FSD1L: variants seen among roughly 807,000 people sequenced by gnomAD.
FSD1L encodes FSD1-like protein.
FSD1L carries 45 observed loss-of-function variants against 71.6 expected under a neutral mutation model. That is an observed-to-expected ratio of 0.63 (90% CI 0.49 to 0.81). The LOEUF (loss-of-function observed/expected upper bound fraction) is 0.81. Among genes scored for constraint, FSD1L ranks in the 30% least tolerant of loss-of-function variants. The probability of loss-of-function intolerance (pLI) is 0.00; values close to 1 mark genes in which losing one functional copy is unlikely to be tolerated. For synonymous variants in FSD1L, 197 were observed against 207.2 expected, an observed-to-expected ratio of 0.95 and a Z score of 0.42; for missense variants, 561 against 618.1, an observed-to-expected ratio of 0.91 and a Z score of 0.98.
At chr9:105,518,395 G>T (rs545774008) in intron 10 of FSD1L, among the ~76,000 whole-genome samples, 8 of 152,158 alleles carry the variant, frequency 5.3e-5, no homozygotes, top group Admixed American at 2.6e-4. Flanking sequence ...TTCTAAAATT[G>T]ACCACATAAT....
chr9:105,525,536 A>G, intron 10 of FSD1L: 6 of 1,611,004 alleles, frequency 3.7e-6, no homozygotes, highest in South Asian at 1.1e-5. Flanking sequence ...TCAGCATTTT[A>G]TTATTGCAGA....
intron 3 of FSD1L, among the ~76,000 whole-genome samples, chr9:105,466,367 G>T (rs1831068542): frequency 6.6e-6 from 1 of 152,098 alleles, no homozygotes; most frequent in African/African-American, 2.4e-5. Flanking sequence ...ATTTTCCACA[G>T]AAATAGAAAA....
At chr9:105,541,679 G>A (rs1266987674) in intron 13 of FSD1L, among the ~76,000 whole-genome samples, 1 of 151,930 alleles carries the variant, frequency 6.6e-6, no homozygotes, top group Admixed American at 6.6e-5. Context: ...TTATAGTATG[G>A]TGCAGTTCTG....
chr9:105,515,178 C>G (rs1035624941), intron 10 of FSD1L, among the ~76,000 whole-genome samples: 2 of 152,196 alleles, frequency 1.3e-5, no homozygotes, highest in Non-Finnish European at 2.9e-5. Context: ...TGCCCCCACC[C>G]TGCCTCATCA....
chr9:105,453,395 G>A (rs1285503854), intron 1 of FSD1L, among the ~76,000 whole-genome samples: 1 of 151,968 alleles, frequency 6.6e-6, no homozygotes, highest in Non-Finnish European at 1.5e-5. Context: ...GTTGGCCAGG[G>A]TAGTCTTGAA....
chr9:105,444,761 T>A (rs1346443885), upstream of FSD1L, among the ~76,000 whole-genome samples: 1 of 152,234 alleles, frequency 6.6e-6, no homozygotes, highest in Non-Finnish European at 1.5e-5. Context: ...GATATTTTTA[T>A]GCCTCTGTAG....
rs1387538723 is a variant in FSD1L, at chr9:105,547,530, C to T, written c.*1047C>T. The T allele has an allele frequency of 1.3e-5, 2 of 151,986 alleles. No individual in the cohort carries two copies. The highest frequency in any genetic ancestry group is 6.6e-5 in the Admixed American group (1 of 15,258). The allele number at this position is 151,986 out of a possible 1,614,324, so 9.4% of individuals were successfully genotyped here. ...AAGCAATTGTTTTGAAAAAAATCTG[C>T]GTATCTTTGACTTAATTGGCACATG... On this transcript the variant is annotated 3_prime_UTR_variant, in exon 14 of 14. Transcript: ENST00000481272.
At chr9:105,523,409 T>C in intron 10 of FSD1L, 1 of 1,605,570 alleles carries the variant, frequency 6.2e-7, no homozygotes, top group South Asian at 1.1e-5. Context: ...CAGGAGGTAC[T>C]CTGACTGGAT....
chr9:105,532,161 G>A (rs1835934006), intron 10 of FSD1L, among the ~76,000 whole-genome samples: 1 of 152,152 alleles, frequency 6.6e-6, no homozygotes, highest in African/African-American at 2.4e-5. Flanking sequence ...ACAAGATCAG[G>A]AAAATAGAGC....
At chr9:105,514,396 T>C (rs907006630) in intron 10 of FSD1L, among the ~76,000 whole-genome samples, 74 of 152,256 alleles carry the variant, frequency 4.9e-4, no homozygotes, top group African/African-American at 1.7e-3. Context: ...TATATGCATT[T>C]ATATATTCTT....
At chr9:105,475,956 G>T (rs1831768393) in intron 5 of FSD1L, among the ~76,000 whole-genome samples, 1 of 151,960 alleles carries the variant, frequency 6.6e-6, no homozygotes, top group Non-Finnish European at 1.5e-5. Flanking sequence ...GGAAAATAAG[G>T]CTTTGAGGCT....
intron 10 of FSD1L, chr9:105,530,834 A>T: frequency 2.3e-6 from 1 of 440,272 alleles, no homozygotes; most frequent in South Asian, 3.3e-5. Flanking sequence ...GCTCAGGAAG[A>T]TACAGGTGTT....
intron 10 of FSD1L, among the ~76,000 whole-genome samples, chr9:105,519,053 T>G (rs1164453182): frequency 1.3e-5 from 2 of 151,864 alleles, no homozygotes; most frequent in African/African-American, 4.8e-5. Flanking sequence ...AACTAGAAAA[T>G]CTAGAATGGA....
intron 10 of FSD1L, among the ~76,000 whole-genome samples, chr9:105,516,757 T>C (rs538557523): frequency 6.6e-6 from 1 of 152,288 alleles, no homozygotes; most frequent in Admixed American, 6.5e-5. Flanking sequence ...AAAGCCAGAA[T>C]GCCTGTTGTC....
At chr9:105,495,597 C>G (rs1833325902) in intron 7 of FSD1L, among the ~76,000 whole-genome samples, 1 of 152,226 alleles carries the variant, frequency 6.6e-6, no homozygotes, top group South Asian at 2.1e-4. Context: ...CTGCGTAGCT[C>G]ACGCTGGGAG....
upstream of FSD1L, among the ~76,000 whole-genome samples, chr9:105,445,689 C>G (rs561533570): frequency 3.9e-4 from 60 of 152,308 alleles, no homozygotes; most frequent in African/African-American, 1.3e-3. Flanking sequence ...TCTCCAATCG[C>G]CAGGCTATTT....
In FSD1L at chr9:105,534,478, T is replaced by C. The variant is rs1014771643; in HGVS notation, c.1026-15T>C. 4.9e-6 allele frequency: 7 copies of C among 1,422,186 alleles called. No individual in the cohort carries two copies. The highest frequency in any genetic ancestry group is 5.8e-6 in the Non-Finnish European group (6 of 1,042,626). 88.1% of individuals were successfully genotyped at this position (1,422,186 alleles called of 1,614,324 possible). A position where few individuals can be genotyped will look rare whatever the true frequency, so the allele number is the denominator to read the frequency against. On this transcript the variant is annotated splice_polypyrimidine_tract_variant and intron_variant, in intron 10 of 13. Coordinates refer to ENST00000481272, the MANE Select transcript of FSD1L (RefSeq NM_001145313.3). ...ATAAAATATTTGTTTTTCTTTTTTC[T>C]TTTTGTTTATATAGAAGTGGTACAC... is the stretch of plus-strand genomic sequence containing the variant.
At chr9:105,498,644 A>C (rs1377493283) in intron 7 of FSD1L, among the ~76,000 whole-genome samples, 2 of 152,222 alleles carry the variant, frequency 1.3e-5, no homozygotes, top group Non-Finnish European at 2.9e-5. Flanking sequence ...CCATATGTGC[A>C]TTCAGTGTTA....
chr9:105,505,253 TTTG>T (rs1485099353), intron 7 of FSD1L, among the ~76,000 whole-genome samples: 2 of 152,214 alleles, frequency 1.3e-5, no homozygotes, highest in African/African-American at 2.4e-5. Flanking sequence ...TTGTTGTTTT[TTTG>T]TTGTTGTTGT....
Sources: allele counts gnomAD v4.1 joint callset (sites outside exome capture counted in the v4.1 genomes callset), GRCh38; gene constraint gnomAD v4.1.1; transcripts MANE v1.5; gene names NCBI Gene and HGNC (gene_info 2026-07-23, HGNC 2026-07-21).